The following CHST9 variants were observed in gnomAD, a reference collection of about 807,000 sequenced individuals.
CHST9 encodes carbohydrate sulfotransferase 9.
A neutral mutation model predicts 44.4 loss-of-function variants in CHST9; 41 were observed. The ratio of observed to expected loss-of-function variants is 0.92; its 90% CI spans 0.72 to 1.20. CHST9 has a LOEUF of 1.20. Among genes scored for constraint, CHST9 ranks in the 50% most tolerant of loss-of-function variants. The pLI is 0.00. For synonymous variants in CHST9, 171 were observed against 178.4 expected (o/e 0.96, Z 0.33); for missense variants, 504 against 516.5 (o/e 0.98, Z 0.23).
intron 4 of CHST9, among the ~76,000 whole-genome samples, chr18:26,963,107 T>C (rs1220234190): frequency 6.6e-6 from 1 of 152,196 alleles, no homozygotes; most frequent in Admixed American, 6.5e-5. Flanking sequence ...TACCGGGCAC[T>C]GTATTGGGCA....
At chr18:26,958,253 C>CT (rs1243355526) in intron 4 of CHST9, among the ~76,000 whole-genome samples, 1 of 151,942 alleles carries the variant, frequency 6.6e-6, no homozygotes, top group East Asian at 1.9e-4. Flanking sequence ...ACTTCCCTGG[C>CT]TTTTGTTTTG....
At chr18:27,116,349 G>A (rs2081641) in intron 2 of CHST9, among the ~76,000 whole-genome samples, 10 of 151,982 alleles carry the variant, frequency 6.6e-5, no homozygotes. Flanking sequence ...ATCCATTTAC[G>A]CCAGTATTAT....
chr18:27,044,992 C>G (rs1477973219), intron 3 of CHST9, among the ~76,000 whole-genome samples: 3 of 147,982 alleles, frequency 2.0e-5, no homozygotes, highest in Non-Finnish European at 4.5e-5. Context: ...GTTTGCAAAG[C>G]AGATGTTCTA....
intron 4 of CHST9, among the ~76,000 whole-genome samples, chr18:26,973,864 T>G (rs1299552657): frequency 5.3e-5 from 8 of 152,198 alleles, no homozygotes; most frequent in African/African-American, 1.9e-4. Flanking sequence ...AATATTTTAT[T>G]GCACCAAACT....
chr18:26,994,526 G>A (rs1419450134), intron 4 of CHST9, among the ~76,000 whole-genome samples: 1 of 152,094 alleles, frequency 6.6e-6, no homozygotes, highest in African/African-American at 2.4e-5. Flanking sequence ...TCAGTGGTCT[G>A]CACCTCCTGT....
At chr18:27,056,879 T>C (rs913793876) in intron 2 of CHST9, among the ~76,000 whole-genome samples, 3 of 152,256 alleles carry the variant, frequency 2.0e-5, no homozygotes, top group Non-Finnish European at 4.4e-5. Context: ...TTTAGTGGAT[T>C]CCCTTTCTCT....
At chr18:26,925,471 C>T (rs151248) in intron 5 of CHST9, among the ~76,000 whole-genome samples, 64,475 of 151,978 alleles carry the variant, frequency 0.42, 14,180 homozygotes, top group East Asian at 0.71. Flanking sequence ...CTTAGTCATG[C>T]CTGGCTTTTT....
chr18:27,047,828 G>A (rs1277731861), intron 3 of CHST9, among the ~76,000 whole-genome samples: 1 of 152,120 alleles, frequency 6.6e-6, no homozygotes, highest in Admixed American at 6.6e-5. Context: ...CTGCTCCTAT[G>A]CAAAGATCGA....
intron 4 of CHST9, chr18:26,952,150 C>T: frequency 2.0e-6 from 1 of 504,338 alleles, no homozygotes; most frequent in Admixed American, 2.1e-5. Flanking sequence ...ATATCAGAAG[C>T]TTCCACATCA....
intron 4 of CHST9, among the ~76,000 whole-genome samples, chr18:26,946,148 C>G (rs2056159112): frequency 6.6e-6 from 1 of 152,092 alleles, no homozygotes; most frequent in Non-Finnish European, 1.5e-5. Flanking sequence ...TTTTAGATTT[C>G]TTTTGTCAGT....
chr18:27,177,072 A>C (rs1476757714), intron 1 of CHST9, among the ~76,000 whole-genome samples: 47 of 152,058 alleles, frequency 3.1e-4, no homozygotes, highest in Admixed American at 3.9e-4. Flanking sequence ...CTGCTGGAGT[A>C]ATAAAATCTC....
chr18:26,932,862 G>A (rs1164682730), intron 5 of CHST9: 5 of 153,650 alleles, frequency 3.3e-5, no homozygotes, highest in African/African-American at 1.2e-4. Context: ...TGTTCAAAAC[G>A]ATGGAAGCAA....
chr18:26,999,800 AGTT>A (rs1377235458), intron 4 of CHST9, among the ~76,000 whole-genome samples: 1 of 152,198 alleles, frequency 6.6e-6, no homozygotes, highest in Admixed American at 6.5e-5. Flanking sequence ...GTAGTAGTAA[AGTT>A]ATTATTATCT....
At chr18:26,942,649 A>G (rs546230609) in intron 5 of CHST9, among the ~76,000 whole-genome samples, 2 of 152,320 alleles carry the variant, frequency 1.3e-5, no homozygotes, top group Admixed American at 1.3e-4. Context: ...TTAATAAGGG[A>G]AACAGGTAGG....
At chr18:26,995,380 G>A (rs2056874976) in intron 4 of CHST9, among the ~76,000 whole-genome samples, 2 of 148,712 alleles carry the variant, frequency 1.3e-5, no homozygotes, top group African/African-American at 5.0e-5. Flanking sequence ...GGAGCTTGCA[G>A]TGAGCCAAGA....
chr18:27,155,815 G>A (rs1279645852), intron 1 of CHST9, among the ~76,000 whole-genome samples: 1 of 152,016 alleles, frequency 6.6e-6, no homozygotes, highest in Admixed American at 6.6e-5. Context: ...AATAATCCAA[G>A]CATGATTAAA....
chr18:27,178,761 A>G (rs1250538348), intron 1 of CHST9, among the ~76,000 whole-genome samples: 1 of 152,022 alleles, frequency 6.6e-6, no homozygotes, highest in African/African-American at 2.4e-5. Context: ...CTCAACTTCT[A>G]ATATGCTGCA....
At chr18:26,992,116 A>G (rs187952413) in intron 4 of CHST9, among the ~76,000 whole-genome samples, 3 of 127,138 alleles carry the variant, frequency 2.4e-5, no homozygotes, top group East Asian at 5.3e-4. Flanking sequence ...GGGGATCCCA[A>G]CTTTGAGGTT....
intron 4 of CHST9, among the ~76,000 whole-genome samples, chr18:26,969,000 C>CTT (rs34898136): frequency 2.3e-5 from 3 of 132,738 alleles, no homozygotes; most frequent in African/African-American, 5.5e-5. Flanking sequence ...TTTATGCAGT[C>CTT]TTTTTTTTTT....
Sources: gnomAD v4.1 joint callset for allele counts (sites outside exome capture counted in the v4.1 genomes callset) on GRCh38, gnomAD v4.1.1 for gene constraint, MANE v1.5 for transcripts, NCBI Gene and HGNC (gene_info 2026-07-23, HGNC 2026-07-21) for gene names.